GUCY1A2: variants seen among roughly 807,000 people sequenced by gnomAD.
The protein encoded by GUCY1A2 is guanylate cyclase 1 soluble subunit alpha 2.
In GUCY1A2, 27 loss-of-function variants were observed where a neutral mutation model predicts 63.5. The observed-to-expected ratio is 0.43, with a 90% CI of 0.31 to 0.59. GUCY1A2 has a LOEUF of 0.59. GUCY1A2 is among the 20% of genes least tolerant of loss of function. The probability of loss-of-function intolerance (pLI) is 0.11; values close to 1 mark genes in which losing one functional copy is unlikely to be tolerated. For synonymous variants in GUCY1A2, 364 were observed against 343.5 expected, an observed-to-expected ratio of 1.06 and a Z score of -0.66; for missense variants, 768 against 913.3, an observed-to-expected ratio of 0.84 and a Z score of 2.05.
At chr11:106,847,367 A>C (rs1404881829) in intron 4 of GUCY1A2, among the ~76,000 whole-genome samples, 3 of 151,388 alleles carry the variant, frequency 2.0e-5, no homozygotes, top group African/African-American at 7.2e-5. Flanking sequence ...AGATGATAAT[A>C]ATACCTTTGC....
chr11:106,721,349 G>A (rs1038053414), intron 6 of GUCY1A2, among the ~76,000 whole-genome samples: 2 of 152,126 alleles, frequency 1.3e-5, no homozygotes, highest in Admixed American at 6.5e-5. Flanking sequence ...GTGAGCCACC[G>A]CGCCTGGCCA....
At chr11:106,726,193 T>C (rs915436198) in intron 6 of GUCY1A2, among the ~76,000 whole-genome samples, 12 of 152,104 alleles carry the variant, frequency 7.9e-5, no homozygotes, top group African/African-American at 2.9e-4. Context: ...AGCAGGCAGA[T>C]TGCCTGACGT....
chr11:106,747,384 G>A (rs766625801), intron 6 of GUCY1A2, among the ~76,000 whole-genome samples: 1 of 152,172 alleles, frequency 6.6e-6, no homozygotes, highest in African/African-American at 2.4e-5. Context: ...AACACTTTGC[G>A]AAAGTTACTT....
At chr11:106,848,850 G>A (rs1465555878) in intron 4 of GUCY1A2, among the ~76,000 whole-genome samples, 1 of 151,578 alleles carries the variant, frequency 6.6e-6, no homozygotes, top group Admixed American at 6.6e-5. Context: ...TCTTGCACAT[G>A]TGGAATACTT....
chr11:106,858,187 G>A (rs940549825), intron 4 of GUCY1A2, among the ~76,000 whole-genome samples: 7 of 152,014 alleles, frequency 4.6e-5, no homozygotes, highest in African/African-American at 1.4e-4. Flanking sequence ...AATAAGTCTT[G>A]GAGAGTTATG....
chr11:106,921,589 A>T (rs1860444984), intron 4 of GUCY1A2, among the ~76,000 whole-genome samples: 1 of 151,956 alleles, frequency 6.6e-6, no homozygotes, highest in South Asian at 2.1e-4. Context: ...CCAATTGTCC[A>T]CTCATCGATG....
chr11:106,794,723 A>G (rs1171231123), intron 5 of GUCY1A2, among the ~76,000 whole-genome samples: 1 of 152,174 alleles, frequency 6.6e-6, no homozygotes, highest in East Asian at 1.9e-4. Context: ...AATAAAATAA[A>G]TATCTCAATA....
intron 6 of GUCY1A2, among the ~76,000 whole-genome samples, chr11:106,747,537 C>T (rs183199232): frequency 6.6e-6 from 1 of 152,320 alleles, no homozygotes; most frequent in Admixed American, 6.5e-5. Flanking sequence ...TTATTAGAAA[C>T]AGCTGTGTAC....
chr11:106,848,228 T>C (rs950028650), intron 4 of GUCY1A2, among the ~76,000 whole-genome samples: 5 of 107,114 alleles, frequency 4.7e-5, no homozygotes, highest in African/African-American at 1.1e-4. Flanking sequence ...ACAGAATGTA[T>C]GTCAATATAA....
chr11:106,742,442 T>C (rs996566446), intron 6 of GUCY1A2, among the ~76,000 whole-genome samples: 1 of 152,178 alleles, frequency 6.6e-6, no homozygotes, highest in African/African-American at 2.4e-5. Context: ...ATGTGGTATT[T>C]GGTTTTCTGT....
chr11:106,897,656 C>CA (rs1022527043), intron 4 of GUCY1A2, among the ~76,000 whole-genome samples: 101 of 143,628 alleles, frequency 7.0e-4, no homozygotes, highest in Admixed American at 1.3e-3. Context: ...CATCGAATTA[C>CA]AAAAAAAAAA....
rs1860367345 is a variant in GUCY1A2, at chr11:106,916,179, G to A, written c.1206+23281C>T. 1.4e-5 allele frequency among the ~76,000 whole-genome samples: 2 copies of A among 145,488 alleles called. 1 individual carries two copies. ...TTGACAATTTAGTCATAAGCATAAAGTACTTTTTGGTTAAATAGTAAGACT... is the reference window on the plus strand; with the variant it reads ...TTGACAATTTAGTCATAAGCATAAAATACTTTTTGGTTAAATAGTAAGACT... On this transcript the variant is annotated intron_variant, in intron 4 of 7. Coordinates refer to ENST00000526355, the MANE Select transcript of GUCY1A2 (RefSeq NM_000855.3).
chr11:106,902,103 A>C (rs1000524283), intron 4 of GUCY1A2, among the ~76,000 whole-genome samples: 12 of 152,182 alleles, frequency 7.9e-5, no homozygotes, highest in African/African-American at 2.9e-4. Context: ...TGGGCTATAT[A>C]AATGATGTTA....
At chr11:106,813,027 C>A (rs6588927) in intron 4 of GUCY1A2, among the ~76,000 whole-genome samples, 138,365 of 151,972 alleles carry the variant, frequency 0.91, 63,061 homozygotes, top group East Asian at 1. Flanking sequence ...ATAATTATAA[C>A]TTCAGAAATT....
chr11:106,925,876 A>T (rs966050909), intron 4 of GUCY1A2, among the ~76,000 whole-genome samples: 7 of 152,238 alleles, frequency 4.6e-5, no homozygotes, highest in Non-Finnish European at 8.8e-5. Context: ...GGGGAATGAA[A>T]TGTCTTAAAT....
intron 6 of GUCY1A2, among the ~76,000 whole-genome samples, chr11:106,748,849 G>A (rs1433138047): frequency 6.6e-6 from 1 of 150,972 alleles, no homozygotes; most frequent in Non-Finnish European, 1.5e-5. Context: ...TAATTAAATA[G>A]AACAGAATAA....
intron 6 of GUCY1A2, among the ~76,000 whole-genome samples, chr11:106,740,982 G>A (rs1337402231): frequency 6.6e-6 from 1 of 152,098 alleles, no homozygotes; most frequent in Non-Finnish European, 1.5e-5. Flanking sequence ...TCCAATTTAT[G>A]ATATTATAGT....
At chr11:106,710,336 AATATATAGTTATATATT>A in intron 6 of GUCY1A2, among the ~76,000 whole-genome samples, 4 of 72,490 alleles carry the variant, frequency 5.5e-5, no homozygotes, top group African/African-American at 2.3e-4. Context: ...TTATATATAT[AATATATAGTTATATATT>A]ATATACATGT....
intron 3 of GUCY1A2, among the ~76,000 whole-genome samples, chr11:106,955,669 G>A (rs1860974548): frequency 6.6e-6 from 1 of 152,216 alleles, no homozygotes; most frequent in African/African-American, 2.4e-5. Context: ...GAGGTCCACT[G>A]TTAGTCTGAT....
Sources: allele counts gnomAD v4.1 joint callset (sites outside exome capture counted in the v4.1 genomes callset), GRCh38; gene constraint gnomAD v4.1.1; transcripts MANE v1.5; gene names NCBI Gene and HGNC (gene_info 2026-07-23, HGNC 2026-07-21).